The following PARD6B variants were observed in gnomAD, a reference collection of about 807,000 sequenced individuals.
PARD6B encodes partitioning defective 6 homolog beta.
A neutral mutation model predicts 10.5 loss-of-function variants in PARD6B; 4 were observed. The ratio of observed to expected loss-of-function variants is 0.38; its 90% CI spans 0.19 to 0.87. PARD6B has a LOEUF of 0.87. Ranked by LOEUF, PARD6B falls within the 40% of genes least tolerant of loss-of-function variation. PARD6B has a pLI of 0.41. For synonymous variants in PARD6B, 169 were observed against 170.4 expected (o/e 0.99, Z 0.07); for missense variants, 396 against 470.6 (o/e 0.84, Z 1.47).
At position 50,749,692 on chromosome 20, in the gene PARD6B, C is replaced by A. The variant is rs61730982; in HGVS notation, c.323C>A (p.Thr108Lys). 6.2e-7 allele frequency: 1 copy of A among 1,609,838 alleles called. No individual in the cohort carries two copies. Among genetic ancestry groups the A allele is most frequent in the African/African-American group, 1.3e-5 (1 of 74,522 alleles). Residue 108 changes from threonine (T) to lysine (K), a missense_variant, in exon 3 of 3, where the codon ACG becomes AAG. By Grantham distance (78) the Thr-to-Lys change is moderately conservative. Transcript: ENST00000371610. Reference protein sequence around the residue: ...EADYSAFGTDTLIKKKNVLTN... With the variant: ...EADYSAFGTDKLIKKKNVLTN... Reference sequence around the variant, plus strand: ...GACTACAGTGCCTTTGGTACAGACACGCTAATAAAGAAGAAGAATGTTTTA... The same window carrying A: ...GACTACAGTGCCTTTGGTACAGACAAGCTAATAAAGAAGAAGAATGTTTTA...
chr20:50,733,458 T>C (rs1332019567), intron 1 of PARD6B, among the ~76,000 whole-genome samples: 2 of 152,242 alleles, frequency 1.3e-5, no homozygotes, highest in South Asian at 2.1e-4. Context: ...AAAAACGGCT[T>C]GGCACTTACA....
rs140030492 is a variant in PARD6B, at chr20:50,744,360, C to T, written c.290-5299C>T. The stretch of plus-strand genomic sequence containing the variant: ...AACTCCCGACCTCTGGTAATCCGCC[C>T]ACCTCGGCCTGCCAAAGTGCTGGGA... On this transcript the variant is annotated intron_variant, in intron 2 of 2. Coordinates refer to ENST00000371610, the MANE Select transcript of PARD6B (RefSeq NM_032521.3). Among the ~76,000 whole-genome samples, 165 of 152,052 alleles carry T rather than the reference C, an allele frequency of 1.1e-3. 1 individual carries two copies. The highest frequency in any genetic ancestry group is 3.7e-3 in the African/African-American group (154 of 41,516).
At chr20:50,731,983 A>C in intron 1 of PARD6B, 131 bp downstream of exon 1, 7 of 624,846 alleles carry the variant, frequency 1.1e-5, no homozygotes, top group Non-Finnish European at 1.6e-5. Context: ...TGCGGTCGGG[A>C]GACTGTGGGT....
intron 2 of PARD6B, among the ~76,000 whole-genome samples, chr20:50,741,758 G>A (rs2087531960): frequency 6.6e-6 from 1 of 151,912 alleles, no homozygotes; most frequent in Non-Finnish European, 1.5e-5. Flanking sequence ...GTGTTAGCCA[G>A]GATGGTCTCG....
chr20:50,751,183 T>A lies in PARD6B; in HGVS notation c.*695T>A, dbSNP rs6096079. 1,644 of 801,722 alleles carry A rather than the reference T, an allele frequency of 2.1e-3. 29 individuals are homozygous for A. In the African/African-American group the frequency reaches 0.028, roughly 14 times the overall value. 49.7% of individuals were successfully genotyped at this position (801,722 alleles called of 1,614,324 possible). The stretch of plus-strand genomic sequence containing the variant: ...CAGGGTTTCGCCATGTTGCCCAAGT[T>A]GGTCTTGAACTCCTGGGCTTAAGCA... On this transcript the variant is annotated 3_prime_UTR_variant, in exon 3 of 3. Coordinates refer to ENST00000371610, the MANE Select transcript of PARD6B (RefSeq NM_032521.3).
intron 1 of PARD6B, among the ~76,000 whole-genome samples, chr20:50,734,199 C>T (rs1325382025): frequency 6.6e-6 from 1 of 152,114 alleles, no homozygotes; most frequent in East Asian, 1.9e-4. Flanking sequence ...CATTTATTTT[C>T]AGTAGATTGA....
rs180680803 is a variant in PARD6B, at chr20:50,739,020, G to A, written c.289+941G>A. ...TGTGTCTGCAGATAGGCAGGGTAGG[G>A]CTTATTATGGTATGTACCATTTTTT... is the stretch of plus-strand genomic sequence containing the variant. On this transcript the variant is annotated intron_variant, in intron 2 of 2. Coordinates refer to ENST00000371610, the MANE Select transcript of PARD6B (RefSeq NM_032521.3). Among the ~76,000 whole-genome samples, 396 of 151,454 alleles carry A rather than the reference G, an allele frequency of 2.6e-3. 5 individuals carry two copies. Among genetic ancestry groups the A allele is most frequent in the Non-Finnish European group, 1.6e-3 (108 of 67,916 alleles).
chr20:50,744,573 A>T (rs1286946230), intron 2 of PARD6B, among the ~76,000 whole-genome samples: 1 of 152,162 alleles, frequency 6.6e-6, no homozygotes, highest in South Asian at 2.1e-4. Flanking sequence ...AAACTTTGGT[A>T]CTTCCCAGGA....
intron 2 of PARD6B, among the ~76,000 whole-genome samples, chr20:50,747,270 T>C (rs1009470519): frequency 2.0e-5 from 3 of 152,144 alleles, no homozygotes; most frequent in South Asian, 2.1e-4. Context: ...CCTTAATTTA[T>C]TGGTTATAAA....
Position 50,752,676 on chromosome 20 carries a change from T to G in PARD6B, c.*2188T>G. The G allele has an allele frequency of 1.0e-6, 1 of 977,218 alleles. No individual in the cohort carries two copies. Among genetic ancestry groups the G allele is most frequent in the Non-Finnish European group, 1.2e-6 (1 of 822,106 alleles). 60.5% of individuals were successfully genotyped at this position (977,218 alleles called of 1,614,324 possible). Reference sequence around the variant, plus strand: ...AGTATGAATACCTTTTTAACAATTGTGTGCTATTACAACAATGAAGATTCA... The same window carrying G: ...AGTATGAATACCTTTTTAACAATTGGGTGCTATTACAACAATGAAGATTCA... On this transcript the variant is annotated 3_prime_UTR_variant, in exon 3 of 3. Transcript: ENST00000371610.
rs761018431 is a variant in PARD6B at position 50,749,930 on chromosome 20, A to G, written c.561A>G (p.Glu187=). The G allele has an allele frequency of 2.5e-6, 4 of 1,614,096 alleles. No homozygotes were observed. In the East Asian group the frequency reaches 6.7e-5, roughly 27 times the overall value. The change falls in exon 3 of 3, where the codon GAA becomes GAG. Residue 187 remains glutamate (E), a synonymous_variant. Transcript: ENST00000371610. Reference sequence around the variant, plus strand: ...TCAGGGTAACACCACATGGCTTAGAAAAGGTTCCAGGGATCTTTATATCCA... The same window carrying G: ...TCAGGGTAACACCACATGGCTTAGAGAAGGTTCCAGGGATCTTTATATCCA... The part of the protein sequence containing the change: ...SSVRVTPHGL[E]KVPGIFISRL...
chr20:50,733,066 A>G (rs756934165), intron 1 of PARD6B, among the ~76,000 whole-genome samples: 1 of 152,176 alleles, frequency 6.6e-6, no homozygotes. Flanking sequence ...AAGTTCTGTA[A>G]GTTTCTGTAA....
chr20:50,744,876 G>C (rs1251874020), intron 2 of PARD6B, among the ~76,000 whole-genome samples: 1 of 152,118 alleles, frequency 6.6e-6, no homozygotes, highest in Non-Finnish European at 1.5e-5. Context: ...TGTGCTTATA[G>C]CTCTCAGCAC....
Position 50,753,490 on chromosome 20 carries a change from T to C in PARD6B, c.*3002T>C, listed in dbSNP as rs2087626499. On this transcript the variant is annotated 3_prime_UTR_variant, in exon 3 of 3. Transcript: ENST00000371610. The stretch of plus-strand genomic sequence containing the variant: ...TTGTTCTGTATCTTAAGTAAATTTA[T>C]GATAATGTTCTCGAGCTATCAACAA... The C allele has an allele frequency of 1.1e-5, 11 of 971,858 alleles. No individual in the cohort carries two copies. The highest frequency in any genetic ancestry group is 1.8e-5 in the African/African-American group (1 of 57,054). The allele number at this position is 971,858 out of a possible 1,614,324, so 60.2% of individuals were successfully genotyped here.
intron 2 of PARD6B, among the ~76,000 whole-genome samples, chr20:50,744,705 T>C (rs1162595490): frequency 7.1e-6 from 1 of 141,744 alleles, no homozygotes; most frequent in African/African-American, 2.5e-5. Context: ...TGTCTGGCCC[T>C]CCCTCTTCTG....
chr20:50,747,489 C>CTTTTTTTTTTTTTTTTTTTTT (rs58629233), intron 2 of PARD6B, among the ~76,000 whole-genome samples: 46 of 33,368 alleles, frequency 1.4e-3, no homozygotes, highest in Middle Eastern at 0.026. Flanking sequence ...TTCTTTCTTT[C>CTTTTTTTTTTTTTTTTTTTTT]TTTTTTTTTT....
In PARD6B at chr20:50,750,003, A is replaced by G. The variant is rs752686285; in HGVS notation, c.634A>G (p.Asn212Asp). 3.5e-5 allele frequency: 57 copies of G among 1,614,076 alleles called. No homozygotes were observed. In the South Asian group the frequency reaches 6.0e-4, roughly 17 times the overall value. The change falls in exon 3 of 3, where the codon AAT becomes GAT. Residue 212 changes from asparagine to aspartate, a missense_variant. Around this residue, in one of 2 missense-constraint regions of PARD6B, gnomAD observed 208 missense variants for 300.9 expected, o/e 0.69. Coordinates refer to ENST00000371610, the MANE Select transcript of PARD6B (RefSeq NM_032521.3). ...TCAAAGTACAGGACTATTAGCTGTT[A>G]ATGATGAAGTTTTAGAAGTTAATGG... ...LAQSTGLLAV[N>D]DEVLEVNGIE...
chr20:50,740,333 AAGTT>A (rs1243480081), intron 2 of PARD6B, among the ~76,000 whole-genome samples: 3 of 152,208 alleles, frequency 2.0e-5, no homozygotes, highest in Admixed American at 2.0e-4. Flanking sequence ...TTTCTTTAAA[AAGTT>A]AGTTGCTGTT....
In PARD6B at chr20:50,751,249, C is replaced by T. The variant is rs948692232; in HGVS notation, c.*761C>T. 1 of 971,694 alleles carries T rather than the reference C, an allele frequency of 1.0e-6. No homozygotes were observed. The highest frequency in any genetic ancestry group is 1.8e-5 in the African/African-American group (1 of 55,740). 60.2% of individuals were successfully genotyped at this position (971,694 alleles called of 1,614,324 possible). A position where few individuals can be genotyped will look rare whatever the true frequency, so the allele number is the denominator to read the frequency against. On this transcript the variant is annotated 3_prime_UTR_variant, in exon 3 of 3. Transcript: ENST00000371610. ...CCCAAAATGCTAGGATTAGAGCCAC[C>T]ATGCCCAGCCTATTTTGATTTTTGT...
Sources: gnomAD v4.1 joint callset for allele counts (sites outside exome capture counted in the v4.1 genomes callset) on GRCh38, gnomAD v4.1.1 for gene constraint, gnomAD v4.1.1 regional missense constraint, MANE v1.5 for transcripts, NCBI Gene and HGNC (gene_info 2026-07-23, HGNC 2026-07-21) for gene names.